Variants in KCNQ1 observed in about 807,000 individuals in gnomAD.
KCNQ1 encodes potassium voltage-gated channel subfamily Q member 1, also known as potassium voltage-gated channel subfamily KQT member 1.
A neutral mutation model predicts 72.4 loss-of-function variants in KCNQ1; 49 were observed. The observed-to-expected ratio is 0.68, with a 90% CI of 0.54 to 0.86. The LOEUF is 0.86. Ranked by LOEUF, KCNQ1 falls within the 40% of genes least tolerant of loss-of-function variation. The pLI is 0.00. For synonymous variants in KCNQ1, 450 were observed against 412.6 expected (o/e 1.09, Z -1.10); for missense variants, 790 against 945.1 (o/e 0.84, Z 2.15).
At chr11:2,667,400 C>T (rs1307937855) in intron 11 of KCNQ1, 2 of 398,626 alleles carry the variant, frequency 5.0e-6, no homozygotes, top group Non-Finnish European at 8.8e-6. Context: ...TCTGGCCAGG[C>T]TCAGCCCTCT....
At chr11:2,776,580 G>T (rs934525728) in intron 13 of KCNQ1, among the ~76,000 whole-genome samples, 1 of 152,206 alleles carries the variant, frequency 6.6e-6, no homozygotes, top group Admixed American at 6.5e-5. Context: ...TCCCGGGCCT[G>T]CACAGACTCA....
At chr11:2,758,708 A>G (rs1846341044) in intron 11 of KCNQ1, among the ~76,000 whole-genome samples, 1 of 152,244 alleles carries the variant, frequency 6.6e-6, no homozygotes, top group South Asian at 2.1e-4. Context: ...CTACCCTGAA[A>G]CACTACCCAG....
rs181880299 is a variant in KCNQ1, at chr11:2,737,141, C to T, written c.1515-31703C>T. Among the ~76,000 whole-genome samples, 764 of 152,312 alleles carry T rather than the reference C, an allele frequency of 5.0e-3. 4 individuals are homozygous for T. Among genetic ancestry groups the T allele is most frequent in the African/African-American group, 0.017 (710 of 41,584 alleles). On this transcript the variant is annotated intron_variant, in intron 11 of 15. Transcript: ENST00000155840. ...AGGGCAGCGGATTAGGGAGGACTCC[C>T]CCAGGAGAGGAGGAGGCAGGCAGGG...
rs1189884383 is a variant in KCNQ1 at position 2,599,482 on chromosome 11, G to A, written c.1393+10628G>A. ...AAAATTCATTTTGTTCAAGAACATA[G>A]GTTCTTGAACCTGTTTCTATGTACA... On this transcript the variant is annotated intron_variant, in intron 10 of 15. Transcript: ENST00000155840. This position sits in a 1 kb window ranked among gnomAD's most constrained non-coding sequence, Gnocchi z 4.7. Among the ~76,000 whole-genome samples the A allele has an allele frequency of 1.3e-5, 2 of 152,000 alleles. No homozygotes were observed. The highest frequency in any genetic ancestry group is 1.5e-5 in the Non-Finnish European group (1 of 68,002).
At chr11:2,530,617 T>C (rs918604263) in intron 2 of KCNQ1, among the ~76,000 whole-genome samples, 7 of 152,200 alleles carry the variant, frequency 4.6e-5, no homozygotes, top group Admixed American at 3.9e-4. Flanking sequence ...TAAGTGTGCA[T>C]CTGTATCTGA....
intron 2 of KCNQ1, among the ~76,000 whole-genome samples, chr11:2,556,052 G>A (rs570682752): frequency 6.6e-6 from 1 of 152,216 alleles, no homozygotes; most frequent in Non-Finnish European, 1.5e-5. Context: ...AGGTATCAGC[G>A]AGGTGGGTTC....
In KCNQ1 at chr11:2,603,986, C is replaced by T. The variant is rs374948218; in HGVS notation, c.1393+15132C>T. ...GACCACAGGCGTGAGCCACTGCACC[C>T]GGCCCTTGTGCTTCATTCTTTTATG... is the stretch of plus-strand genomic sequence containing the variant. On this transcript the variant is annotated intron_variant, in intron 10 of 15. Coordinates refer to ENST00000155840, the MANE Select transcript of KCNQ1 (RefSeq NM_000218.3). This position sits in a 1 kb window ranked among gnomAD's most constrained non-coding sequence, Gnocchi z 4.1. Among the ~76,000 whole-genome samples the T allele has an allele frequency of 5.3e-5, 8 of 152,144 alleles. No individual in the cohort carries two copies. The highest frequency in any genetic ancestry group is 1.0e-4 in the Non-Finnish European group (7 of 68,022).
At chr11:2,545,175 C>A (rs1361396969) in intron 2 of KCNQ1, among the ~76,000 whole-genome samples, 1 of 152,170 alleles carries the variant, frequency 6.6e-6, no homozygotes, top group African/African-American at 2.4e-5. Context: ...TATCACTGGA[C>A]TTGACTTGTT....
Position 2,493,545 on chromosome 11 carries a change from T to C in KCNQ1, c.387-34383T>C, listed in dbSNP as rs576419722. On this transcript the variant is annotated intron_variant, in intron 1 of 15. Coordinates refer to ENST00000155840, the MANE Select transcript of KCNQ1 (RefSeq NM_000218.3). The surrounding 1 kb of genome is among the most constrained non-coding windows in gnomAD (Gnocchi z 5.3). ...TTTTATATAAGTTGTAAGGAAGGGGTCCAGTTTCTGTTTTCTGCATATGAC... is the reference window on the plus strand; with the variant it reads ...TTTTATATAAGTTGTAAGGAAGGGGCCCAGTTTCTGTTTTCTGCATATGAC... Among the ~76,000 whole-genome samples, 1 of 152,184 alleles carries C rather than the reference T, an allele frequency of 6.6e-6. No homozygotes were observed. The highest frequency in any genetic ancestry group is 1.5e-5 in the Non-Finnish European group (1 of 68,022).
At chr11:2,811,444 C>T (rs1245168588) in intron 15 of KCNQ1, among the ~76,000 whole-genome samples, 1 of 152,256 alleles carries the variant, frequency 6.6e-6, no homozygotes, top group Non-Finnish European at 1.5e-5. Flanking sequence ...CATGGGCCTG[C>T]ACGCATGAGG....
chr11:2,722,965 G>A (rs1053401671), intron 11 of KCNQ1, among the ~76,000 whole-genome samples: 5 of 152,224 alleles, frequency 3.3e-5, no homozygotes, highest in Non-Finnish European at 5.9e-5. Flanking sequence ...TTTGGGCACT[G>A]CAGCTGCCAC....
intron 15 of KCNQ1, among the ~76,000 whole-genome samples, chr11:2,838,839 G>T (rs1366437055): frequency 6.6e-6 from 1 of 152,180 alleles, no homozygotes; most frequent in Non-Finnish European, 1.5e-5. Context: ...GCCTCTGCGG[G>T]CTCGCCAGAG....
At chr11:2,648,244 C>CT in intron 10 of KCNQ1, 1 of 398,624 alleles carries the variant, frequency 2.5e-6, no homozygotes. Context: ...GATCTTTTGT[C>CT]TTTTTTACCT....
chr11:2,645,912 C>A lies in KCNQ1; in HGVS notation c.1394-16049C>A. 2.5e-6 allele frequency: 1 copy of A among 398,574 alleles called. No homozygotes were observed. Among genetic ancestry groups the A allele is most frequent in the Non-Finnish European group, 4.4e-6 (1 of 226,082 alleles). The allele number at this position is 398,574 out of a possible 1,614,324, so 24.7% of individuals were successfully genotyped here. On this transcript the variant is annotated intron_variant, in intron 10 of 15. Transcript: ENST00000155840. This position sits in a 1 kb window ranked among gnomAD's most constrained non-coding sequence, Gnocchi z 5.8. ...CTGGGAGCTGTTCATTGCCATTTCA[C>A]AGTCTGTAGGTAGCCTCTTGTTAGT...
chr11:2,584,318 C>T (rs1181048676), intron 7 of KCNQ1, among the ~76,000 whole-genome samples: 2 of 151,706 alleles, frequency 1.3e-5, no homozygotes, highest in East Asian at 3.9e-4. Context: ...TTAGTATGTG[C>T]TTGTGTTAGT....
chr11:2,446,369 G>T lies in KCNQ1; in HGVS notation c.386+885G>T, dbSNP rs1846037048. On this transcript the variant is annotated intron_variant, in intron 1 of 15. Coordinates refer to ENST00000155840, the MANE Select transcript of KCNQ1 (RefSeq NM_000218.3). The surrounding 1 kb of genome is among the most constrained non-coding windows in gnomAD (Gnocchi z 8.8). ...CCTTTTGGTGTGGTGCCAGCCTCTG[G>T]CCTGGGAGCCTCTACCCAGACATCC... 6.6e-6 allele frequency among the ~76,000 whole-genome samples: 1 copy of T among 152,186 alleles called. No homozygotes were observed. The highest frequency in any genetic ancestry group is 1.5e-5 in the Non-Finnish European group (1 of 68,020).
intron 11 of KCNQ1, among the ~76,000 whole-genome samples, chr11:2,709,186 G>A (rs903357930): frequency 4.0e-5 from 6 of 151,884 alleles, no homozygotes; most frequent in Non-Finnish European, 5.9e-5. Flanking sequence ...GCCCTGGAGC[G>A]TGGGAGCCTC....
chr11:2,814,280 G>T (rs191505787), intron 15 of KCNQ1, among the ~76,000 whole-genome samples: 29 of 138,236 alleles, frequency 2.1e-4, no homozygotes, highest in African/African-American at 8.4e-4. Flanking sequence ...GATGGATGGT[G>T]GGATGGATGG....
Position 2,767,099 on chromosome 11 carries a change from C to T in KCNQ1, c.1515-1745C>T, listed in dbSNP as rs572727274. ...AGAAAAATCACTTGAACCCGGGAGG[C>T]GGAGGCTGCAGTGAGCCGAGGTTGT... On this transcript the variant is annotated intron_variant, in intron 11 of 15. Transcript: ENST00000155840. This position sits in a 1 kb window ranked among gnomAD's most constrained non-coding sequence, Gnocchi z 4.6. 2.6e-5 allele frequency among the ~76,000 whole-genome samples: 4 copies of T among 152,204 alleles called. No homozygotes were observed. The highest frequency in any genetic ancestry group is 4.8e-5 in the African/African-American group (2 of 41,544).
Sources: gnomAD v4.1 joint callset for allele counts (sites outside exome capture counted in the v4.1 genomes callset) on GRCh38, gnomAD v4.1.1 for gene constraint, Gnocchi (gnomAD v3.1) non-coding constraint, MANE v1.5 for transcripts, NCBI Gene and HGNC (gene_info 2026-07-23, HGNC 2026-07-21) for gene names.